The following ADAMTS12 variants were observed in gnomAD, a reference collection of about 807,000 sequenced individuals.
The protein encoded by ADAMTS12 is ADAM metallopeptidase with thrombospondin type 1 motif 12, also known as A disintegrin and metalloproteinase with thrombospondin motifs 12.
ADAMTS12 carries 118 observed loss-of-function variants against 167.8 expected under a neutral mutation model. That is an observed-to-expected ratio of 0.70 (90% CI 0.61 to 0.82). ADAMTS12 has a LOEUF of 0.82. Among genes scored for constraint, ADAMTS12 ranks in the 40% least tolerant of loss-of-function variants. The pLI is 0.00. For synonymous variants in ADAMTS12, 704 were observed against 716.9 expected (o/e 0.98, Z 0.29); for missense variants, 1,916 against 1,998.8 (o/e 0.96, Z 0.79).
chr5:33,828,453 C>G (rs1748172536), intron 2 of ADAMTS12, among the ~76,000 whole-genome samples: 1 of 152,128 alleles, frequency 6.6e-6, no homozygotes, highest in African/African-American at 2.4e-5. Context: ...TTATATCTTT[C>G]TGTTAACTCA....
rs1480466156 is a variant in ADAMTS12, at chr5:33,662,024, A to G, written c.932T>C (p.Val311Ala). Residue 311 changes from valine (V) to alanine (A), a missense_variant, in exon 6 of 24, where the codon GTT becomes GCT. Physicochemically the swap from Val to Ala is moderately conservative, Grantham distance 64. Coordinates refer to ENST00000504830, the MANE Select transcript of ADAMTS12 (RefSeq NM_030955.4). ...LEEEEQGLKIVHHAEKTLSSF... is the reference protein window; with the variant it reads ...LEEEEQGLKIAHHAEKTLSSF... ...AGACAGTGTCTTTTCTGCATGGTGA[A>G]CTATTTTCAGTCCTTGCTGGAGAAA... The G allele has an allele frequency of 6.2e-7, 1 of 1,611,050 alleles. No homozygotes were observed. The highest frequency in any genetic ancestry group is 1.7e-5 in the Admixed American group (1 of 59,954).
At chr5:33,664,245 G>T (rs138313401) in intron 5 of ADAMTS12, among the ~76,000 whole-genome samples, 1 of 152,166 alleles carries the variant, frequency 6.6e-6, no homozygotes, top group Non-Finnish European at 1.5e-5. Flanking sequence ...AAAGTGGAAC[G>T]TATCACTTTA....
intron 1 of ADAMTS12, among the ~76,000 whole-genome samples, chr5:33,883,772 G>A (rs1230875076): frequency 6.6e-6 from 1 of 152,178 alleles, no homozygotes; most frequent in Non-Finnish European, 1.5e-5. Flanking sequence ...AAGCTTTTTC[G>A]CAAATTCATG....
intron 5 of ADAMTS12, among the ~76,000 whole-genome samples, chr5:33,681,527 A>C (rs1011457886): frequency 7.2e-5 from 11 of 152,230 alleles, no homozygotes; most frequent in African/African-American, 2.7e-4. Flanking sequence ...GAATAAAGAC[A>C]CATGGCTTCC....
rs567843265 is a variant in ADAMTS12 at position 33,858,689 on chromosome 5, G to T, written c.489+22430C>A. ...AAAAAAAGAAAAGAAAAAAGAAATT[G>T]CCAACAACAAAAAAAACTTGAGACC... On this transcript the variant is annotated intron_variant, in intron 2 of 23. Transcript: ENST00000504830. Among the ~76,000 whole-genome samples, 370 of 151,218 alleles carry T rather than the reference G, an allele frequency of 2.4e-3. 2 individuals are homozygous for T. The highest frequency in any genetic ancestry group is 8.6e-3 in the African/African-American group (352 of 41,158).
intron 20 of ADAMTS12, 103 bp downstream of exon 20, chr5:33,560,924 A>G (rs1270736309): frequency 6.6e-4 from 47 of 70,736 alleles, no homozygotes; most frequent in Admixed American, 1.8e-3. Context: ...TAAGAAAAAG[A>G]AAAAAAAAAA....
rs149353951 is a variant in ADAMTS12, at chr5:33,887,697, G to C, written c.127+4033C>G. Among the ~76,000 whole-genome samples the C allele has an allele frequency of 4.0e-4, 60 of 151,880 alleles. No homozygotes were observed. The East Asian group carries it at 9.8e-3, about 25-fold the overall frequency. ...TTCCCTCAGCTTAGAAAGGACAGAGGTAAGAGAATATTTACCTACTAGTTG... is the reference window on the plus strand; with the variant it reads ...TTCCCTCAGCTTAGAAAGGACAGAGCTAAGAGAATATTTACCTACTAGTTG... On this transcript the variant is annotated intron_variant, in intron 1 of 23. Transcript: ENST00000504830.
chr5:33,753,209 G>A (rs965480202), intron 2 of ADAMTS12, among the ~76,000 whole-genome samples: 3 of 152,108 alleles, frequency 2.0e-5, no homozygotes, highest in Non-Finnish European at 4.4e-5. Flanking sequence ...AATGCAGAGG[G>A]GTAATACTTT....
At chr5:33,835,720 T>C (rs532336086) in intron 2 of ADAMTS12, among the ~76,000 whole-genome samples, 10 of 152,294 alleles carry the variant, frequency 6.6e-5, no homozygotes, top group Admixed American at 1.3e-4. Flanking sequence ...GGGTAAGGAT[T>C]TTAACATATC....
intron 3 of ADAMTS12, among the ~76,000 whole-genome samples, chr5:33,708,652 T>G (rs1217262338): frequency 6.6e-6 from 1 of 152,146 alleles, no homozygotes; most frequent in South Asian, 2.1e-4. Flanking sequence ...TGCAGGGACA[T>G]GGATGAAGCT....
intron 16 of ADAMTS12, among the ~76,000 whole-genome samples, chr5:33,611,502 ATGAT>A (rs1467726588): frequency 1.3e-5 from 2 of 152,200 alleles, no homozygotes. Context: ...AAAAAATAAA[ATGAT>A]TGCTGCCACC....
At chr5:33,718,577 G>A (rs1743695020) in intron 3 of ADAMTS12, among the ~76,000 whole-genome samples, 1 of 152,022 alleles carries the variant, frequency 6.6e-6, no homozygotes, top group Non-Finnish European at 1.5e-5. Context: ...CCCAGTCCGT[G>A]GAAAAAATGT....
At chr5:33,847,386 G>C (rs1336040046) in intron 2 of ADAMTS12, among the ~76,000 whole-genome samples, 1 of 152,184 alleles carries the variant, frequency 6.6e-6, no homozygotes. Context: ...ACTTTGGGAG[G>C]CCTAGGCTGG....
In ADAMTS12 at chr5:33,806,657, G is replaced by A. The variant is rs181464802; in HGVS notation, c.490-55109C>T. ...TGATATGCAAAAACATGTTACTGAGGCCACAACCTGGAAACTTTCACTTAG... is the reference window on the plus strand; with the variant it reads ...TGATATGCAAAAACATGTTACTGAGACCACAACCTGGAAACTTTCACTTAG... On this transcript the variant is annotated intron_variant, in intron 2 of 23. Transcript: ENST00000504830. Among the ~76,000 whole-genome samples the A allele has an allele frequency of 1.4e-4, 21 of 152,184 alleles. No individual in the cohort carries two copies. The East Asian group carries it at 4.1e-3, about 29-fold the overall frequency.
chr5:33,535,423 C>G (rs1236604019), intron 22 of ADAMTS12, among the ~76,000 whole-genome samples: 3 of 152,078 alleles, frequency 2.0e-5, no homozygotes, highest in African/African-American at 7.2e-5. Context: ...TGAGACCCAG[C>G]CAGAGATTCC....
At chr5:33,623,958 C>T (rs1244292519) in intron 14 of ADAMTS12, among the ~76,000 whole-genome samples, 1 of 152,206 alleles carries the variant, frequency 6.6e-6, no homozygotes, top group Non-Finnish European at 1.5e-5. Context: ...CCAGAGATCA[C>T]ACTCTTATAC....
At chr5:33,861,816 A>C (rs1749627424) in intron 2 of ADAMTS12, among the ~76,000 whole-genome samples, 1 of 152,348 alleles carries the variant, frequency 6.6e-6, no homozygotes. Flanking sequence ...AACAGAAATC[A>C]TAACAAACAG....
chr5:33,624,088 G>A, intron 14 of ADAMTS12, 143 bp downstream of exon 14: 2 of 1,296,058 alleles, frequency 1.5e-6, no homozygotes, highest in Admixed American at 2.2e-5. Flanking sequence ...CTCCTTTGTG[G>A]TAAAGGCTAT....
Position 33,697,616 on chromosome 5 carries a change from A to T in ADAMTS12, c.635-13561T>A, listed in dbSNP as rs910997802. 4.6e-5 allele frequency among the ~76,000 whole-genome samples: 7 copies of T among 152,116 alleles called. No homozygotes were observed. The South Asian group carries it at 1.5e-3, about 32-fold the overall frequency. ...AGCGTTTGTTAGATGCCCAGACACA[A>T]TACCACAATACCAGGCATTATCAGT... On this transcript the variant is annotated intron_variant, in intron 3 of 23. Transcript: ENST00000504830.
Sources: gnomAD v4.1 joint callset for allele counts (sites outside exome capture counted in the v4.1 genomes callset) on GRCh38, gnomAD v4.1.1 for gene constraint, MANE v1.5 for transcripts, NCBI Gene and HGNC (gene_info 2026-07-23, HGNC 2026-07-21) for gene names.